DENND4C: variants seen among roughly 807,000 people sequenced by gnomAD.
The protein encoded by DENND4C is DENN domain-containing protein 4C.
DENND4C carries 108 observed loss-of-function variants against 203.0 expected under a neutral mutation model. The observed-to-expected ratio is 0.53, with a 90% CI of 0.46 to 0.62. The LOEUF (loss-of-function observed/expected upper bound fraction) is 0.62. Among genes scored for constraint, DENND4C ranks in the 20% least tolerant of loss-of-function variants. The pLI, the probability that DENND4C is intolerant of heterozygous loss-of-function variation, is 0.00. For synonymous variants in DENND4C, 871 were observed against 792.4 expected (o/e 1.10, Z -1.67); for missense variants, 2,481 against 2,301.2 (o/e 1.08, Z -1.60).
Position 19,323,392 on chromosome 9 carries a change from T to G in DENND4C, c.1808-970T>G, listed in dbSNP as rs186866281. Among the ~76,000 whole-genome samples the G allele has an allele frequency of 1.3e-4, 20 of 150,504 alleles. No homozygotes were observed. In the East Asian group the frequency reaches 3.9e-3, roughly 30 times the overall value. On this transcript the variant is annotated intron_variant, in intron 12 of 32. Transcript: ENST00000434457. ...TTGCAGTGAGCCAAGATCACATTACTGCACTCCAGCCTGGGCGACAGAGCT... is the reference window on the plus strand; with the variant it reads ...TTGCAGTGAGCCAAGATCACATTACGGCACTCCAGCCTGGGCGACAGAGCT...
intron 1 of DENND4C, among the ~76,000 whole-genome samples, chr9:19,251,463 C>G (rs547671534): frequency 3.3e-5 from 5 of 152,324 alleles, no homozygotes; most frequent in African/African-American, 1.2e-4. Context: ...CATTTTCCCC[C>G]TCTGTCTTGG....
intron 12 of DENND4C, among the ~76,000 whole-genome samples, chr9:19,319,431 TAC>T (rs1244046737): frequency 1.8e-4 from 26 of 145,094 alleles, no homozygotes; most frequent in Non-Finnish European, 3.7e-4. Context: ...CATATATATA[TAC>T]ACACATATAT....
At position 19,286,850 on chromosome 9, in the gene DENND4C, C is replaced by T. The variant is rs1588845108; in HGVS notation, c.387C>T (p.Val129=). The T allele has an allele frequency of 4.1e-6, 5 of 1,232,108 alleles. No homozygotes were observed. The East Asian group carries it at 1.3e-4, about 31-fold the overall frequency. The allele number at this position is 1,232,108 out of a possible 1,614,324, so 76.3% of individuals were successfully genotyped here. ...CACCCTATGGTCGCTGTGCCAATGT[C>T]AACAATAGTTCAACTACTTCACAAA... ...LATPYGRCAN[V]NNSSTTSQRI... is the part of the protein sequence containing the mutation. Residue 129 remains valine (V), a synonymous_variant, in exon 3 of 33, where the codon GTC becomes GTT. Coordinates refer to ENST00000434457, the MANE Select transcript of DENND4C (RefSeq NM_001330640.2).
At chr9:19,230,594 C>T (rs1820255222), upstream of DENND4C, 1 of 152,104 alleles carries the variant, frequency 6.6e-6, no homozygotes, top group East Asian at 1.9e-4. Flanking sequence ...TCCGACGGCT[C>T]ACAGCGCGGA....
chr9:19,296,363 A>AAT, intron 6 of DENND4C, 117 bp downstream of exon 6: 8 of 641,982 alleles, frequency 1.2e-5, no homozygotes, highest in Non-Finnish European at 1.8e-5. Flanking sequence ...ATTTAACTGA[A>AAT]CTTTTTTTTT....
intron 1 of DENND4C, among the ~76,000 whole-genome samples, chr9:19,243,225 C>G (rs1824215405): frequency 6.6e-6 from 1 of 152,152 alleles, no homozygotes; most frequent in African/African-American, 2.4e-5. Context: ...TTGGACATTT[C>G]ATAGAAATGA....
chr9:19,233,489 TTAA>T (rs1158949801), intron 1 of DENND4C, among the ~76,000 whole-genome samples: 1 of 152,198 alleles, frequency 6.6e-6, no homozygotes, highest in Non-Finnish European at 1.5e-5. Flanking sequence ...AGGAAGAAGT[TTAA>T]AGCTTTAAAA....
chr9:19,292,393 G>A (rs1836526057), intron 5 of DENND4C: 1 of 151,740 alleles, frequency 6.6e-6, no homozygotes, highest in African/African-American at 2.4e-5. Context: ...CAACTAGAGA[G>A]AAAAGACATT....
intron 17 of DENND4C, among the ~76,000 whole-genome samples, chr9:19,333,381 C>T (rs1223558549): frequency 6.6e-6 from 1 of 152,086 alleles, no homozygotes; most frequent in Non-Finnish European, 1.5e-5. Flanking sequence ...TCAACTTTGG[C>T]ACTATTGATA....
rs564038119 is a variant in DENND4C at position 19,292,822 on chromosome 9, A to G, written c.801+1946A>G. On this transcript the variant is annotated intron_variant, in intron 5 of 32. Coordinates refer to ENST00000434457, the MANE Select transcript of DENND4C (RefSeq NM_001330640.2). Reference sequence around the variant, plus strand: ...CAGCCTCCCAAAATGCTGGGATTACAGGTGTCAGCCAATGCGCCCAGCAAA... The same window carrying G: ...CAGCCTCCCAAAATGCTGGGATTACGGGTGTCAGCCAATGCGCCCAGCAAA... 2.6e-5 allele frequency among the ~76,000 whole-genome samples: 4 copies of G among 152,326 alleles called. No homozygotes were observed. The South Asian group carries it at 8.3e-4, about 32-fold the overall frequency.
chr9:19,330,347 T>TTTG (rs1818811086), intron 16 of DENND4C, among the ~76,000 whole-genome samples: 1 of 148,236 alleles, frequency 6.7e-6, no homozygotes, highest in African/African-American at 2.5e-5. Flanking sequence ...TTTTTTTTTT[T>TTTG]TTTTTTTTTT....
Position 19,305,706 on chromosome 9 carries a change from A to C in DENND4C, c.1487+179A>C, listed in dbSNP as rs527294809. On this transcript the variant is annotated intron_variant, in intron 10 of 32. Coordinates refer to ENST00000434457, the MANE Select transcript of DENND4C (RefSeq NM_001330640.2). The stretch of plus-strand genomic sequence containing the variant: ...TGGGAATGCTGTGTGATTTGGGAAA[A>C]AAAAATGTTCAGTATTATAATAGTT... Among the ~76,000 whole-genome samples, 90 of 152,338 alleles carry C rather than the reference A, an allele frequency of 5.9e-4. No individual in the cohort carries two copies. The South Asian group carries it at 0.018, about 30-fold the overall frequency.
chr9:19,311,679 T>C (rs1236810555), intron 10 of DENND4C, among the ~76,000 whole-genome samples: 5 of 152,162 alleles, frequency 3.3e-5, no homozygotes, highest in Admixed American at 2.6e-4. Context: ...TCACTCATTA[T>C]AGGAGAAATG....
At chr9:19,339,758 A>G (rs1419756957) in intron 20 of DENND4C, among the ~76,000 whole-genome samples, 2 of 152,216 alleles carry the variant, frequency 1.3e-5, no homozygotes, top group South Asian at 2.1e-4. Context: ...TGAACCAGTC[A>G]TTACTATGAT....
intron 23 of DENND4C, 147 bp downstream of exon 23, chr9:19,347,233 G>A (rs945314348): frequency 1.3e-6 from 1 of 741,078 alleles, no homozygotes; most frequent in East Asian, 2.7e-5. Flanking sequence ...TCTGCCTCCC[G>A]GCTTTGAGCG....
chr9:19,310,735 C>G (rs569461647), intron 10 of DENND4C, among the ~76,000 whole-genome samples: 1 of 152,038 alleles, frequency 6.6e-6, no homozygotes, highest in South Asian at 2.1e-4. Flanking sequence ...TGTTCACGCA[C>G]ATGTGTGAGA....
intron 1 of DENND4C, among the ~76,000 whole-genome samples, chr9:19,258,948 C>T (rs76786562): frequency 1.3e-5 from 2 of 152,018 alleles, no homozygotes; most frequent in Non-Finnish European, 2.9e-5. Context: ...AGCCACCCTG[C>T]CTGGCCTAAA....
chr9:19,357,729 C>T (rs1825707433), intron 27 of DENND4C: 3 of 375,290 alleles, frequency 8.0e-6, no homozygotes, highest in Admixed American at 4.1e-5. Flanking sequence ...AAAATAATAC[C>T]TGTATATCTA....
chr9:19,354,614 G>A (rs192581146), intron 26 of DENND4C, among the ~76,000 whole-genome samples: 116 of 143,644 alleles, frequency 8.1e-4, no homozygotes, highest in Non-Finnish European at 1.2e-3. Flanking sequence ...GAGTCCAATG[G>A]CACAATCTTG....
Sources: gnomAD v4.1 joint callset for allele counts (sites outside exome capture counted in the v4.1 genomes callset) on GRCh38, gnomAD v4.1.1 for gene constraint, MANE v1.5 for transcripts, NCBI Gene and HGNC (gene_info 2026-07-23, HGNC 2026-07-21) for gene names.